The following FSTL5 variants were observed in gnomAD, a reference collection of about 807,000 sequenced individuals.
The protein encoded by FSTL5 is follistatin-related protein 5.
A neutral mutation model predicts 89.1 loss-of-function variants in FSTL5; 62 were observed. The observed-to-expected ratio is 0.70, with a 90% CI of 0.57 to 0.86. The LOEUF is 0.86. Ranked by LOEUF, FSTL5 falls within the 40% of genes least tolerant of loss-of-function variation. The probability of loss-of-function intolerance (pLI) is 0.00; values close to 1 mark genes in which losing one functional copy is unlikely to be tolerated. For missense variants in FSTL5, 1,057 were observed against 1,001.6 expected, an observed-to-expected ratio of 1.06 and a Z score of -0.75; for synonymous variants, 383 against 346.2, an observed-to-expected ratio of 1.11 and a Z score of -1.18.
At chr4:162,103,629 T>A (rs1731089542) in intron 2 of FSTL5, among the ~76,000 whole-genome samples, 1 of 152,242 alleles carries the variant, frequency 6.6e-6, no homozygotes, top group South Asian at 2.1e-4. Context: ...AAAAGGCTAG[T>A]GTATTCATAG....
intron 8 of FSTL5, among the ~76,000 whole-genome samples, chr4:161,543,808 A>T (rs1731914855): frequency 6.6e-6 from 1 of 152,112 alleles, no homozygotes; most frequent in African/African-American, 2.4e-5. Flanking sequence ...AACTATCAGA[A>T]GAAAACATTG....
rs182843841 is a variant in FSTL5, at chr4:161,447,346, G to A, written c.1841+7658C>T. On this transcript the variant is annotated intron_variant, in intron 15 of 15. Transcript: ENST00000306100. ...AATAACTTGTTCTTTAAATCAAATCGCATTGACCCATACATCAAGAACATT... is the reference window on the plus strand; with the variant it reads ...AATAACTTGTTCTTTAAATCAAATCACATTGACCCATACATCAAGAACATT... 2.0e-4 allele frequency among the ~76,000 whole-genome samples: 31 copies of A among 151,920 alleles called. No homozygotes were observed. The South Asian group carries it at 5.6e-3, about 27-fold the overall frequency.
intron 6 of FSTL5, among the ~76,000 whole-genome samples, chr4:161,661,285 T>C (rs1266296044): frequency 2.0e-5 from 3 of 152,134 alleles, no homozygotes; most frequent in African/African-American, 7.2e-5. Flanking sequence ...ACGTTAAATA[T>C]TTCATTAAAT....
chr4:161,745,088 A>G (rs569167849), intron 6 of FSTL5, among the ~76,000 whole-genome samples: 1 of 152,150 alleles, frequency 6.6e-6, no homozygotes, highest in East Asian at 1.9e-4. Context: ...TAAAACAACA[A>G]CAAAAAATAA....
At chr4:161,468,000 T>G (rs926455785) in intron 13 of FSTL5, among the ~76,000 whole-genome samples, 1 of 152,108 alleles carries the variant, frequency 6.6e-6, no homozygotes, top group Admixed American at 6.5e-5. Flanking sequence ...AAATTTTCAT[T>G]CCATATACTC....
At chr4:161,667,177 G>A (rs28374810) in intron 6 of FSTL5, among the ~76,000 whole-genome samples, 4,304 of 152,006 alleles carry the variant, frequency 0.028, 111 homozygotes, top group South Asian at 0.13. Flanking sequence ...TATCTTTCAA[G>A]GGTTCTGTTA....
At chr4:162,100,754 T>C (rs1730964053) in intron 2 of FSTL5, among the ~76,000 whole-genome samples, 1 of 152,178 alleles carries the variant, frequency 6.6e-6, no homozygotes, top group Admixed American at 6.5e-5. Flanking sequence ...GGGCTGTGCA[T>C]GTGTGGGGGA....
chr4:161,724,547 T>A (rs1412340907), intron 6 of FSTL5, among the ~76,000 whole-genome samples: 1 of 152,196 alleles, frequency 6.6e-6, no homozygotes, highest in East Asian at 1.9e-4. Context: ...CTGGACTGCT[T>A]TGAAGGATGT....
chr4:161,558,345 G>A (rs1367093675), intron 8 of FSTL5, among the ~76,000 whole-genome samples: 1 of 151,756 alleles, frequency 6.6e-6, no homozygotes, highest in Non-Finnish European at 1.5e-5. Flanking sequence ...TGTCAATATG[G>A]CAATCTAATG....
At chr4:161,870,564 C>T (rs1219617036) in intron 4 of FSTL5, among the ~76,000 whole-genome samples, 1 of 152,080 alleles carries the variant, frequency 6.6e-6, no homozygotes, top group Non-Finnish European at 1.5e-5. Flanking sequence ...TTTCCAAGTT[C>T]CAGAATAAGG....
chr4:162,083,742 G>A (rs1354423157), intron 2 of FSTL5, among the ~76,000 whole-genome samples: 3 of 151,668 alleles, frequency 2.0e-5, no homozygotes, highest in African/African-American at 7.3e-5. Context: ...AAAACTTTAA[G>A]AAATCAACCT....
At chr4:161,798,749 A>T (rs1212562797) in intron 4 of FSTL5, among the ~76,000 whole-genome samples, 2 of 151,772 alleles carry the variant, frequency 1.3e-5, no homozygotes, top group African/African-American at 4.8e-5. Flanking sequence ...ATCTAAAAAA[A>T]AAATTAACTC....
At chr4:161,439,086 C>T (rs1247532682) in intron 15 of FSTL5, among the ~76,000 whole-genome samples, 2 of 151,960 alleles carry the variant, frequency 1.3e-5, no homozygotes, top group Non-Finnish European at 2.9e-5. Flanking sequence ...AACATAGTAA[C>T]TACTGAATTA....
At position 161,425,616 on chromosome 4, in the gene FSTL5, C is replaced by T. The variant is rs148787431; in HGVS notation, c.1841+29388G>A. Among the ~76,000 whole-genome samples the T allele has an allele frequency of 1.7e-3, 254 of 152,266 alleles. 1 individual carries two copies. The highest frequency in any genetic ancestry group is 6.8e-3 in the Middle Eastern group (2 of 294). On this transcript the variant is annotated intron_variant, in intron 15 of 15. Transcript: ENST00000306100. ...TGATTAACACTTAGTAGTCCTTGTGCACTACCACAAGGCATTAGAGAGAAG... is the reference window on the plus strand; with the variant it reads ...TGATTAACACTTAGTAGTCCTTGTGTACTACCACAAGGCATTAGAGAGAAG...
chr4:161,812,640 T>C (rs1334684018), intron 4 of FSTL5, among the ~76,000 whole-genome samples: 1 of 152,138 alleles, frequency 6.6e-6, no homozygotes, highest in African/African-American at 2.4e-5. Context: ...CCATCAATTG[T>C]TGGCTGTTGT....
intron 1 of FSTL5, among the ~76,000 whole-genome samples, chr4:162,153,691 A>ATATATATGTATAT (rs1317042944): frequency 1.2e-5 from 1 of 83,216 alleles, no homozygotes; most frequent in African/African-American, 4.1e-5. Context: ...GTATATAATA[A>ATATATATGTATAT]TATATATGTA....
At chr4:161,830,053 CA>C (rs971426698) in intron 4 of FSTL5, among the ~76,000 whole-genome samples, 20 of 151,816 alleles carry the variant, frequency 1.3e-4, no homozygotes, top group African/African-American at 4.8e-4. Context: ...GAATAAGAAA[CA>C]AAAAAATATG....
chr4:162,069,677 T>C (rs1729523230), intron 2 of FSTL5, among the ~76,000 whole-genome samples: 1 of 151,912 alleles, frequency 6.6e-6, no homozygotes, highest in Admixed American at 6.6e-5. Flanking sequence ...TTTCACTTAC[T>C]CCAATGTCCT....
At chr4:161,427,517 C>T (rs981350894) in intron 15 of FSTL5, among the ~76,000 whole-genome samples, 3 of 152,308 alleles carry the variant, frequency 2.0e-5, no homozygotes, top group Non-Finnish European at 2.9e-5. Flanking sequence ...GTCTAAGATG[C>T]CTTCACCCAA....
Sources: gnomAD v4.1 joint callset for allele counts (sites outside exome capture counted in the v4.1 genomes callset) on GRCh38, gnomAD v4.1.1 for gene constraint, MANE v1.5 for transcripts, NCBI Gene and HGNC (gene_info 2026-07-23, HGNC 2026-07-21) for gene names.